Variants in CTTNBP2 observed in about 807,000 individuals in gnomAD.
The protein encoded by CTTNBP2 is cortactin binding protein 2.
In CTTNBP2, 108 loss-of-function variants were observed where a neutral mutation model predicts 156.9. The ratio of observed to expected loss-of-function variants is 0.69; its 90% CI spans 0.59 to 0.81. The LOEUF is 0.81. Among genes scored for constraint, CTTNBP2 ranks in the 30% least tolerant of loss-of-function variants. The pLI, the probability that CTTNBP2 is intolerant of heterozygous loss-of-function variation, is 0.00. For missense variants in CTTNBP2, 1,924 were observed against 2,035.4 expected, an observed-to-expected ratio of 0.95 and a Z score of 1.05; for synonymous variants, 767 against 751.8, an observed-to-expected ratio of 1.02 and a Z score of -0.33.
At chr7:117,823,632 C>G (rs1469781857) in intron 2 of CTTNBP2, among the ~76,000 whole-genome samples, 2 of 152,196 alleles carry the variant, frequency 1.3e-5, no homozygotes, top group Non-Finnish European at 2.9e-5. Flanking sequence ...CCACTTGATT[C>G]TCTTAAGTCC....
At chr7:117,839,221 C>T (rs1311359960) in intron 2 of CTTNBP2, among the ~76,000 whole-genome samples, 4 of 152,172 alleles carry the variant, frequency 2.6e-5, no homozygotes, top group Non-Finnish European at 5.9e-5. Context: ...ACCCAGTCAT[C>T]AAGAGTTACC....
intron 5 of CTTNBP2, 24 bp downstream of exon 5, chr7:117,784,226 TG>T: frequency 6.6e-7 from 1 of 1,517,752 alleles, no homozygotes; most frequent in Non-Finnish European, 8.9e-7. Context: ...TGCAAGTGTG[TG>T]GTATAAGATC....
At chr7:117,846,057 T>C (rs1484442322) in intron 2 of CTTNBP2, among the ~76,000 whole-genome samples, 1 of 152,020 alleles carries the variant, frequency 6.6e-6, no homozygotes, top group East Asian at 1.9e-4. Flanking sequence ...TTCACAGTGC[T>C]GGCCAGGATG....
At chr7:117,806,012 T>C (rs1054487711) in intron 3 of CTTNBP2, among the ~76,000 whole-genome samples, 13 of 152,196 alleles carry the variant, frequency 8.5e-5, no homozygotes, top group African/African-American at 2.9e-4. Context: ...AACCACAGTA[T>C]ACATAAATTA....
intron 2 of CTTNBP2, among the ~76,000 whole-genome samples, chr7:117,857,882 C>T (rs549928311): frequency 1.3e-5 from 2 of 152,208 alleles, no homozygotes; most frequent in Admixed American, 6.5e-5. Context: ...TACATTCCAC[C>T]CCTATAGGAA....
intron 16 of CTTNBP2, among the ~76,000 whole-genome samples, chr7:117,730,821 G>T (rs1795358379): frequency 6.6e-6 from 1 of 151,672 alleles, no homozygotes; most frequent in South Asian, 2.1e-4. Flanking sequence ...AAAATTCGGG[G>T]GGATGGGGAC....
intron 3 of CTTNBP2, chr7:117,793,404 G>A (rs886105679): frequency 6.6e-6 from 1 of 152,218 alleles, no homozygotes; most frequent in Non-Finnish European, 1.5e-5. Context: ...AGTGAACCTG[G>A]AGCCTGACCT....
chr7:117,816,798 T>C (rs1800603729), intron 2 of CTTNBP2, among the ~76,000 whole-genome samples: 1 of 152,136 alleles, frequency 6.6e-6, no homozygotes, highest in South Asian at 2.1e-4. Flanking sequence ...CATAGACATG[T>C]TTTAATAGGT....
At chr7:117,742,875 C>T (rs35622627) in intron 14 of CTTNBP2, among the ~76,000 whole-genome samples, 1,701 of 152,344 alleles carry the variant, frequency 0.011, 47 homozygotes, top group East Asian at 0.07. Flanking sequence ...GACACTGGAC[C>T]TACAATTCTG....
At chr7:117,762,744 T>C (rs1797277861) in intron 9 of CTTNBP2, among the ~76,000 whole-genome samples, 1 of 152,214 alleles carries the variant, frequency 6.6e-6, no homozygotes, top group Non-Finnish European at 1.5e-5. Context: ...GTTCTTACAA[T>C]GGCCTACGCA....
rs377736389 is a variant in CTTNBP2 at position 117,786,520 on chromosome 7, C to A, written c.2069-2066G>T. ...AACAGAGAAATTATAAACACGAAGG[C>A]ATAAAACCTCGACTGCAAAGCAAAC... On this transcript the variant is annotated intron_variant, in intron 4 of 22. Coordinates refer to ENST00000160373, the MANE Select transcript of CTTNBP2 (RefSeq NM_033427.3). 7.0e-5 allele frequency: 26 copies of A among 368,952 alleles called. No individual in the cohort carries two copies. The East Asian group carries it at 1.5e-3, about 21-fold the overall frequency. 22.9% of individuals were successfully genotyped at this position (368,952 alleles called of 1,614,324 possible).
chr7:117,854,541 G>A (rs896638841), intron 2 of CTTNBP2, among the ~76,000 whole-genome samples: 1 of 152,066 alleles, frequency 6.6e-6, no homozygotes, highest in African/African-American at 2.4e-5. Context: ...AACCATAAAG[G>A]CTTTTTAATT....
At position 117,856,648 on chromosome 7, in the gene CTTNBP2, G is replaced by A. The variant is rs191818197; in HGVS notation, c.189+4561C>T. 7.9e-3 allele frequency among the ~76,000 whole-genome samples: 1,209 copies of A among 152,186 alleles called. 9 individuals carry two copies. The highest frequency in any genetic ancestry group is 0.021 in the South Asian group (100 of 4,822). ...TAGTTACTTTATATGAAGGTTAGGAGGAAGAATTGCCATGGGTTTATGGTC... is the reference window on the plus strand; with the variant it reads ...TAGTTACTTTATATGAAGGTTAGGAAGAAGAATTGCCATGGGTTTATGGTC... On this transcript the variant is annotated intron_variant, in intron 2 of 22. Coordinates refer to ENST00000160373, the MANE Select transcript of CTTNBP2 (RefSeq NM_033427.3).
At chr7:117,741,386 A>C (rs1240097143) in intron 14 of CTTNBP2, among the ~76,000 whole-genome samples, 1 of 152,242 alleles carries the variant, frequency 6.6e-6, no homozygotes. Context: ...CTTATTAAAA[A>C]GTGAAGAAAG....
intron 14 of CTTNBP2, among the ~76,000 whole-genome samples, chr7:117,740,981 T>C (rs1200589353): frequency 1.3e-5 from 2 of 152,094 alleles, no homozygotes; most frequent in East Asian, 3.9e-4. Context: ...AGGACAAGGA[T>C]GAGAGGCCAG....
At chr7:117,818,925 ATC>A (rs1483057021) in intron 2 of CTTNBP2, among the ~76,000 whole-genome samples, 2 of 152,236 alleles carry the variant, frequency 1.3e-5, no homozygotes, top group Admixed American at 6.5e-5. Flanking sequence ...TTGGAACAAA[ATC>A]TCTGTCTCCA....
At chr7:117,775,625 A>G (rs1798054364) in intron 8 of CTTNBP2, among the ~76,000 whole-genome samples, 1 of 148,406 alleles carries the variant, frequency 6.7e-6, no homozygotes, top group Admixed American at 6.8e-5. Flanking sequence ...GGTATAACGC[A>G]CTCCTATCAT....
intron 9 of CTTNBP2, among the ~76,000 whole-genome samples, chr7:117,761,095 T>G (rs1437283723): frequency 1.3e-5 from 2 of 152,170 alleles, no homozygotes; most frequent in Non-Finnish European, 1.5e-5. Context: ...CAGGTTATAG[T>G]TGGACAGGTC....
In CTTNBP2 at chr7:117,736,094, C is replaced by A. The variant is rs529695772; in HGVS notation, c.3536-673G>T. Among the ~76,000 whole-genome samples the A allele has an allele frequency of 8.5e-5, 13 of 152,184 alleles. No individual in the cohort carries two copies. In the South Asian group the frequency reaches 1.7e-3, roughly 19 times the overall value. On this transcript the variant is annotated intron_variant, in intron 14 of 22. Coordinates refer to ENST00000160373, the MANE Select transcript of CTTNBP2 (RefSeq NM_033427.3). Reference sequence around the variant, plus strand: ...AGTATATATTTTAGTATATCTATTTCATAATACAAAAGGTTAAAAGCCCTT... The same window carrying A: ...AGTATATATTTTAGTATATCTATTTAATAATACAAAAGGTTAAAAGCCCTT...
Sources: gnomAD v4.1 joint callset for allele counts (sites outside exome capture counted in the v4.1 genomes callset) on GRCh38, gnomAD v4.1.1 for gene constraint, MANE v1.5 for transcripts, NCBI Gene and HGNC (gene_info 2026-07-23, HGNC 2026-07-21) for gene names.